CFAP300: variants seen among roughly 807,000 people sequenced by gnomAD.
CFAP300 encodes cilia- and flagella-associated protein 300.
A neutral mutation model predicts 33.0 loss-of-function variants in CFAP300; 32 were observed. That is an observed-to-expected ratio of 0.97 (90% confidence interval 0.73 to 1.30). The LOEUF (loss-of-function observed/expected upper bound fraction) is 1.30. Among genes scored for constraint, CFAP300 ranks in the 50% most tolerant of loss-of-function variants. The pLI is 0.00. For synonymous variants in CFAP300, 102 were observed against 106.8 expected (o/e 0.95, Z 0.28); for missense variants, 356 against 318.1 (o/e 1.12, Z -0.90).
At chr11:102,065,971 CT>C (rs59366521) in intron 3 of CFAP300, among the ~76,000 whole-genome samples, 55,694 of 134,622 alleles carry the variant, frequency 0.41, 10,422 homozygotes, top group East Asian at 0.63. Context: ...TTGTTATAAA[CT>C]TTTTTTTTTT....
At chr11:102,065,357 C>T (rs11225118) in intron 3 of CFAP300, among the ~76,000 whole-genome samples, 1 of 151,966 alleles carries the variant, frequency 6.6e-6, no homozygotes. Context: ...CCACCTGCCT[C>T]GGCTGTCCAT....
At chr11:102,082,654 A>G (rs1413703475) in intron 6 of CFAP300, among the ~76,000 whole-genome samples, 1 of 152,214 alleles carries the variant, frequency 6.6e-6, no homozygotes, top group Non-Finnish European at 1.5e-5. Flanking sequence ...GACAGAAAAT[A>G]CATAATAGGC....
chr11:102,053,781 A>G (rs1358213077), intron 2 of CFAP300, among the ~76,000 whole-genome samples: 1 of 152,208 alleles, frequency 6.6e-6, no homozygotes, highest in Non-Finnish European at 1.5e-5. Context: ...AATACTGATC[A>G]AGATCTAGAT....
chr11:102,082,388 T>G (rs905386606), intron 6 of CFAP300, among the ~76,000 whole-genome samples: 6 of 149,724 alleles, frequency 4.0e-5, no homozygotes, highest in Admixed American at 1.3e-4. Flanking sequence ...CCAAAAAAAA[T>G]TTAAAAAAAA....
intron 4 of CFAP300, among the ~76,000 whole-genome samples, chr11:102,074,145 G>A (rs1203498547): frequency 7.4e-5 from 11 of 148,916 alleles, no homozygotes; most frequent in Admixed American, 7.4e-4. Flanking sequence ...GGGCCCCAAG[G>A]AAGGATGCAG....
chr11:102,075,533 T>A (rs983519405), intron 4 of CFAP300, among the ~76,000 whole-genome samples: 10 of 152,236 alleles, frequency 6.6e-5, no homozygotes, highest in Admixed American at 5.9e-4. Flanking sequence ...AGAAGTGTCC[T>A]CATTTATTTA....
intron 2 of CFAP300, among the ~76,000 whole-genome samples, chr11:102,048,542 TCA>T (rs1279424218): frequency 6.6e-6 from 1 of 152,296 alleles, no homozygotes; most frequent in South Asian, 2.1e-4. Flanking sequence ...TTAAATATTA[TCA>T]CACAGCTTTA....
In CFAP300 at chr11:102,068,420, T is replaced by C. The variant is rs77489995; in HGVS notation, c.435+1769T>C. ...AATTAACTTACTGAGAATACCCAAA[T>C]ACACACAATTGAATGAGACTACATA... On this transcript the variant is annotated intron_variant, in intron 4 of 6. Coordinates refer to ENST00000434758, the MANE Select transcript of CFAP300 (RefSeq NM_032930.3). 9.1e-3 allele frequency among the ~76,000 whole-genome samples: 1,393 copies of C among 152,266 alleles called. 22 individuals are homozygous for C. The highest frequency in any genetic ancestry group is 0.032 in the African/African-American group (1,319 of 41,550).
intron 4 of CFAP300, 31 bp from the exon 5 acceptor site, chr11:102,075,841 AT>A (rs1470896283): frequency 6.0e-6 from 9 of 1,508,004 alleles, no homozygotes; most frequent in Non-Finnish European, 8.2e-6. Context: ...ATCTTGAGTT[AT>A]GTTACATTAA....
chr11:102,057,265 G>A (rs1372548934), intron 2 of CFAP300, among the ~76,000 whole-genome samples: 4 of 151,536 alleles, frequency 2.6e-5, no homozygotes, highest in Admixed American at 2.6e-4. Context: ...CTTGAACCCG[G>A]GAGGCAGAGG....
In CFAP300 at chr11:102,075,144, C is replaced by G. The variant is rs549832533; in HGVS notation, c.436-729C>G. ...ATAAAGTAGGTAGGATATAAACAAT[C>G]CAGTGGAAAAAATATATGTTATATC... On this transcript the variant is annotated intron_variant, in intron 4 of 6. Transcript: ENST00000434758. 5.9e-5 allele frequency among the ~76,000 whole-genome samples: 9 copies of G among 152,252 alleles called. No individual in the cohort carries two copies. In the South Asian group the frequency reaches 1.9e-3, roughly 32 times the overall value.
chr11:102,067,986 G>A (rs1942253480), intron 4 of CFAP300, among the ~76,000 whole-genome samples: 1 of 152,114 alleles, frequency 6.6e-6, no homozygotes, highest in East Asian at 1.9e-4. Flanking sequence ...TTAAAAATGA[G>A]GGCTTTCATG....
intron 4 of CFAP300, 129 bp downstream of exon 4, chr11:102,066,780 G>A (rs1942234232): frequency 2.9e-6 from 2 of 700,612 alleles, no homozygotes; most frequent in South Asian, 2.0e-5. Context: ...AGTAATGATC[G>A]GTAATAATCC....
intron 5 of CFAP300, among the ~76,000 whole-genome samples, chr11:102,079,954 G>C (rs1292043015): frequency 6.6e-6 from 1 of 152,010 alleles, no homozygotes; most frequent in African/African-American, 2.4e-5. Flanking sequence ...ACCTCAATGA[G>C]TTGTGTGATC....
intron 5 of CFAP300, among the ~76,000 whole-genome samples, chr11:102,076,953 C>G (rs1942404053): frequency 6.6e-6 from 1 of 152,048 alleles, no homozygotes; most frequent in South Asian, 2.1e-4. Context: ...ATGTTAGAAA[C>G]AGAATTTCAG....
intron 3 of CFAP300, among the ~76,000 whole-genome samples, chr11:102,060,532 T>G (rs139014323): frequency 8.5e-5 from 13 of 152,110 alleles, no homozygotes; most frequent in African/African-American, 3.1e-4. Flanking sequence ...GTCCCTTCAA[T>G]AACTCTTGGG....
chr11:102,054,309 A>G (rs985951437), intron 2 of CFAP300, among the ~76,000 whole-genome samples: 10 of 152,344 alleles, frequency 6.6e-5, no homozygotes, highest in Admixed American at 4.6e-4. Flanking sequence ...GCATGTTACT[A>G]TCTCCTCTCT....
At chr11:102,049,284 A>ACT (rs1941933982) in intron 2 of CFAP300, among the ~76,000 whole-genome samples, 1 of 152,160 alleles carries the variant, frequency 6.6e-6, no homozygotes, top group Non-Finnish European at 1.5e-5. Flanking sequence ...CAGCTGCAGA[A>ACT]CTTTCTTCTC....
chr11:102,083,412 C>A lies in CFAP300; in HGVS notation c.*213C>A, dbSNP rs145577893. 467 of 283,180 alleles carry A rather than the reference C, an allele frequency of 1.6e-3. 6 individuals are homozygous for A. The highest frequency in any genetic ancestry group is 9.8e-3 in the African/African-American group (446 of 45,510). 17.5% of individuals were successfully genotyped at this position (283,180 alleles called of 1,614,324 possible). A position where few individuals can be genotyped will look rare whatever the true frequency, so the allele number is the denominator to read the frequency against. On this transcript the variant is annotated 3_prime_UTR_variant, in exon 7 of 7. Transcript: ENST00000434758. ...AATTTCATCCATAATAAAATCTATA[C>A]CAAAAAAGTTGTGGAATTTTTACAG... is the stretch of plus-strand genomic sequence containing the variant.
Sources: gnomAD v4.1 joint callset for allele counts (sites outside exome capture counted in the v4.1 genomes callset) on GRCh38, gnomAD v4.1.1 for gene constraint, MANE v1.5 for transcripts, NCBI Gene and HGNC (gene_info 2026-07-23, HGNC 2026-07-21) for gene names.